Variants in ZBTB8A observed in about 807,000 individuals in gnomAD.
ZBTB8A encodes zinc finger and BTB domain-containing protein 8A.
A neutral mutation model predicts 37.8 loss-of-function variants in ZBTB8A; 19 were observed. That is an observed-to-expected ratio of 0.50 (90% CI 0.35 to 0.74). ZBTB8A has a LOEUF of 0.74. Among genes scored for constraint, ZBTB8A ranks in the 30% least tolerant of loss-of-function variants. The probability of loss-of-function intolerance (pLI) is 0.01; values close to 1 mark genes in which losing one functional copy is unlikely to be tolerated. For missense variants in ZBTB8A, 394 were observed against 537.8 expected, an observed-to-expected ratio of 0.73 and a Z score of 2.65; for synonymous variants, 181 against 185.2, an observed-to-expected ratio of 0.98 and a Z score of 0.19.
At chr1:32,547,198 C>T (rs1644111548) in intron 1 of ZBTB8A, among the ~76,000 whole-genome samples, 1 of 151,310 alleles carries the variant, frequency 6.6e-6, no homozygotes, top group East Asian at 2.0e-4. Context: ...GCTACCATGC[C>T]CGGCTGGGGG....
chr1:32,547,081 A>G (rs932702274), intron 1 of ZBTB8A, among the ~76,000 whole-genome samples: 4 of 151,570 alleles, frequency 2.6e-5, no homozygotes, highest in African/African-American at 7.3e-5. Context: ...TTTTTTAATT[A>G]TTTGTAGAGA....
Position 32,601,620 on chromosome 1 carries a change from T to G in ZBTB8A, c.*1201T>G. 2.5e-6 allele frequency: 1 copy of G among 398,614 alleles called. No homozygotes were observed. Among genetic ancestry groups the G allele is most frequent in the Non-Finnish European group, 4.4e-6 (1 of 226,070 alleles). The allele number at this position is 398,614 out of a possible 1,614,324, so 24.7% of individuals were successfully genotyped here. ...TATCTCCGATTTACAAATGAGGAAA[T>G]TAAGGTCAGAAAGTCTGAGAGAGAA... On this transcript the variant is annotated 3_prime_UTR_variant, in exon 5 of 5. Coordinates refer to ENST00000373510, the MANE Select transcript of ZBTB8A (RefSeq NM_001040441.3).
chr1:32,544,634 T>C (rs895437229), intron 1 of ZBTB8A, among the ~76,000 whole-genome samples: 2 of 152,196 alleles, frequency 1.3e-5, no homozygotes, highest in African/African-American at 4.8e-5. Flanking sequence ...GAGGCGAAGG[T>C]TGCAGTGACC....
chr1:32,550,597 C>G (rs1644144236), intron 1 of ZBTB8A, among the ~76,000 whole-genome samples: 1 of 151,906 alleles, frequency 6.6e-6, no homozygotes, highest in South Asian at 2.1e-4. Context: ...GTACTCCAGC[C>G]TAGGTGAGAA....
chr1:32,567,825 A>AAAAC lies in ZBTB8A; in HGVS notation c.-2+14288_-2+14289insCAAA, dbSNP rs1553178099. Among the ~76,000 whole-genome samples the AAAAC allele has an allele frequency of 2.2e-4, 14 of 63,690 alleles. 1 individual carries two copies. Among genetic ancestry groups the AAAAC allele is most frequent in the East Asian group, 1.1e-3 (2 of 1,824 alleles). The allele number at this position is 63,690 out of a possible 152,430, so 41.8% of individuals were successfully genotyped here. A position where few individuals can be genotyped will look rare whatever the true frequency, so the allele number is the denominator to read the frequency against. On this transcript the variant is annotated intron_variant, in intron 2 of 4. Transcript: ENST00000373510. ...AAAAAAAAAAAAAAAAAAAAAAAAC[A>AAAAC]AAAACAAAACAAAACAAAAAAAAGA...
intron 2 of ZBTB8A, among the ~76,000 whole-genome samples, chr1:32,581,102 T>TATATATA (rs1336492915): frequency 1.6e-5 from 1 of 60,612 alleles, no homozygotes; most frequent in African/African-American, 6.3e-5. Context: ...ATATATTAAA[T>TATATATA]ATATATAATA....
intron 2 of ZBTB8A, among the ~76,000 whole-genome samples, chr1:32,566,393 C>T (rs901522310): frequency 4.6e-5 from 7 of 151,690 alleles, no homozygotes; most frequent in South Asian, 2.1e-4. Context: ...GGCATGGTGG[C>T]GCATACCTCT....
chr1:32,567,791 CAAA>C (rs1214976482), intron 2 of ZBTB8A, among the ~76,000 whole-genome samples: 1 of 6,442 alleles, frequency 1.6e-4, no homozygotes, highest in African/African-American at 8.2e-4. Context: ...GATTCTGTCT[CAAA>C]AAAAAAAAAA....
At position 32,600,435 on chromosome 1, in the gene ZBTB8A, A is replaced by T. The variant is rs762488175; in HGVS notation, c.*16A>T. The stretch of plus-strand genomic sequence containing the variant: ...CATTAGGTAGCTGTAATGTGAACCA[A>T]CAGAGCTGGCATGTCTGCAATTTAC... On this transcript the variant is annotated 3_prime_UTR_variant, in exon 5 of 5. Transcript: ENST00000373510. The T allele has an allele frequency of 6.3e-7, 1 of 1,579,558 alleles. No homozygotes were observed. The highest frequency in any genetic ancestry group is 2.2e-5 in the East Asian group (1 of 44,648).
intron 2 of ZBTB8A, among the ~76,000 whole-genome samples, chr1:32,575,936 G>T: frequency 6.6e-6 from 1 of 152,054 alleles, no homozygotes; most frequent in East Asian, 1.9e-4. Context: ...CTTAATCTCT[G>T]TCTTATTTTT....
At chr1:32,550,665 A>G (rs899375563) in intron 1 of ZBTB8A, among the ~76,000 whole-genome samples, 6 of 151,984 alleles carry the variant, frequency 3.9e-5, no homozygotes. Flanking sequence ...TCTCTTAAAA[A>G]GCCACAAATT....
chr1:32,566,691 C>T (rs1384316170), intron 2 of ZBTB8A, among the ~76,000 whole-genome samples: 4 of 152,116 alleles, frequency 2.6e-5, no homozygotes, highest in Non-Finnish European at 5.9e-5. Flanking sequence ...AACTAAAGCT[C>T]CCCATACTAA....
intron 2 of ZBTB8A, among the ~76,000 whole-genome samples, chr1:32,562,305 TGCCTTGCCCAG>T (rs1644249746): frequency 6.6e-6 from 1 of 151,950 alleles, no homozygotes; most frequent in Non-Finnish European, 1.5e-5. Context: ...TTGCTCTTGT[TGCCTTGCCCAG>T]GCTGGGGTGC....
At chr1:32,539,679 C>G (rs1644032164) in intron 1 of ZBTB8A, 107 bp downstream of exon 1, 2 of 4,878 alleles carry the variant, frequency 4.1e-4, no homozygotes, top group East Asian at 4.6e-3. Context: ...GGCGGCAGTG[C>G]TGGGATGCGG....
intron 2 of ZBTB8A, among the ~76,000 whole-genome samples, chr1:32,560,297 A>G (rs1376097485): frequency 2.0e-5 from 3 of 152,132 alleles, no homozygotes; most frequent in East Asian, 1.9e-4. Flanking sequence ...GATTCAAACT[A>G]TATCACTACT....
intron 1 of ZBTB8A, among the ~76,000 whole-genome samples, chr1:32,544,191 A>G (rs2148210789): frequency 6.6e-6 from 1 of 152,346 alleles, no homozygotes; most frequent in South Asian, 2.1e-4. Flanking sequence ...ATGTCACTTA[A>G]TGATGGGGAT....
At chr1:32,541,093 A>G (rs766431047) in intron 1 of ZBTB8A, among the ~76,000 whole-genome samples, 1 of 152,236 alleles carries the variant, frequency 6.6e-6, no homozygotes, top group Non-Finnish European at 1.5e-5. Flanking sequence ...AAACTGTGTA[A>G]TAGACTTAAC....
chr1:32,593,898 T>C, intron 3 of ZBTB8A, 144 bp downstream of exon 3: 1 of 701,372 alleles, frequency 1.4e-6, no homozygotes, highest in Non-Finnish European at 2.3e-6. Flanking sequence ...TGTAATGAAA[T>C]TTATTTAGTA....
At chr1:32,571,560 T>C (rs549781886) in intron 2 of ZBTB8A, among the ~76,000 whole-genome samples, 2 of 152,226 alleles carry the variant, frequency 1.3e-5, no homozygotes, top group South Asian at 2.1e-4. Flanking sequence ...TCCTTTCTTA[T>C]ATATTTGATT....
Sources: allele counts gnomAD v4.1 joint callset (sites outside exome capture counted in the v4.1 genomes callset), GRCh38; gene constraint gnomAD v4.1.1; transcripts MANE v1.5; gene names NCBI Gene and HGNC (gene_info 2026-07-23, HGNC 2026-07-21).